The following ZNF506 variants were observed in gnomAD, a reference collection of about 807,000 sequenced individuals.
ZNF506 encodes the protein zinc finger protein 506.
In ZNF506, 10 loss-of-function variants were observed where a neutral mutation model predicts 11.6. The observed-to-expected ratio is 0.86, with a 90% confidence interval of 0.53 to 1.46. ZNF506 has a LOEUF of 1.46. Among genes scored for constraint, ZNF506 ranks in the 40% most tolerant of loss-of-function variants. ZNF506 has a pLI of 0.00. For synonymous variants in ZNF506, 156 were observed against 173.3 expected (o/e 0.90, Z 0.78); for missense variants, 425 against 521.2 (o/e 0.82, Z 1.80).
At chr19:19,814,886 T>C (rs1274717606) in intron 1 of ZNF506, among the ~76,000 whole-genome samples, 3 of 152,144 alleles carry the variant, frequency 2.0e-5, no homozygotes, top group Non-Finnish European at 4.4e-5. Context: ...CTGCTGCAGA[T>C]TCAGTGTCTG....
At chr19:19,796,383 TTTTA>T (rs1313535222) in intron 3 of ZNF506, 1 of 151,870 alleles carries the variant, frequency 6.6e-6, no homozygotes, top group African/African-American at 2.4e-5. Flanking sequence ...CTAGGGGCTT[TTTTA>T]TTTTTATTTT....
intron 1 of ZNF506, 119 bp downstream of exon 1, chr19:19,821,482 G>C: frequency 7.4e-7 from 1 of 1,346,166 alleles, no homozygotes; most frequent in East Asian, 2.3e-5. Flanking sequence ...TTGGAGCGCA[G>C]ATTGTGGAGC....
At chr19:19,798,169 G>C (rs2062758540) in intron 3 of ZNF506, 1 of 152,058 alleles carries the variant, frequency 6.6e-6, no homozygotes, top group Non-Finnish European at 1.5e-5. Flanking sequence ...TAAAAGTATG[G>C]AAATTATGAA....
At chr19:19,796,618 TA>T (rs2062744498) in intron 3 of ZNF506, 1 of 152,182 alleles carries the variant, frequency 6.6e-6, no homozygotes, top group African/African-American at 2.4e-5. Flanking sequence ...TTAGCCAGGA[TA>T]GTCTCAATCT....
chr19:19,803,825 A>G (rs534934802), intron 3 of ZNF506, among the ~76,000 whole-genome samples: 1 of 152,340 alleles, frequency 6.6e-6, no homozygotes, highest in East Asian at 1.9e-4. Context: ...ATTTTAATCT[A>G]GGACTGGAAG....
chr19:19,794,536 TTCTCTCCAGTA>T lies in ZNF506; in HGVS notation c.*5_*15del, dbSNP rs750249521. ...CCCACATTCATCACATTCATACGGT[TTCTCTCCAGTA>T]TGAATTATCTTATGCTTATTAAGGG... is the stretch of plus-strand genomic sequence containing the variant. On this transcript the variant is annotated 3_prime_UTR_variant, in exon 4 of 4. Transcript: ENST00000540806. 2 of 1,569,422 alleles carry T rather than the reference TTCTCTCCAGTA, an allele frequency of 1.3e-6. No individual in the cohort carries two copies. The highest frequency in any genetic ancestry group is 2.7e-5 in the African/African-American group (2 of 73,238).
chr19:19,809,383 A>C (rs1234957382), intron 1 of ZNF506, among the ~76,000 whole-genome samples: 1 of 152,200 alleles, frequency 6.6e-6, no homozygotes, highest in Non-Finnish European at 1.5e-5. Flanking sequence ...AAAGTTTTGT[A>C]AGTACTAAAC....
intron 3 of ZNF506, among the ~76,000 whole-genome samples, chr19:19,803,885 A>C (rs2062814682): frequency 6.6e-6 from 1 of 152,212 alleles, no homozygotes; most frequent in African/African-American, 2.4e-5. Flanking sequence ...ATTGAAATAG[A>C]AAAATAAGTA....
At chr19:19,816,270 G>A (rs917904804) in intron 1 of ZNF506, among the ~76,000 whole-genome samples, 20 of 151,080 alleles carry the variant, frequency 1.3e-4, no homozygotes, top group African/African-American at 4.6e-4. Flanking sequence ...TGCAACCGCT[G>A]CCTCCCAGGT....
At chr19:19,813,342 C>T (rs893244837) in intron 1 of ZNF506, among the ~76,000 whole-genome samples, 1 of 152,046 alleles carries the variant, frequency 6.6e-6, no homozygotes, top group Non-Finnish European at 1.5e-5. Context: ...ATGTATGTAG[C>T]ATTTTTAAAA....
intron 1 of ZNF506, among the ~76,000 whole-genome samples, chr19:19,816,450 C>T (rs1344678970): frequency 2.0e-5 from 3 of 152,162 alleles, no homozygotes; most frequent in African/African-American, 4.8e-5. Flanking sequence ...CTCCATCTCC[C>T]GGGTTCACAC....
intron 3 of ZNF506, among the ~76,000 whole-genome samples, chr19:19,802,230 T>C (rs1394754219): frequency 1.3e-5 from 2 of 150,896 alleles, no homozygotes; most frequent in Non-Finnish European, 1.5e-5. Context: ...AAAAATTGTC[T>C]ACGTAACTGC....
In ZNF506 at chr19:19,811,437, A is replaced by G. The variant is rs533497424; in HGVS notation, c.4-4369T>C. ...CCTCTCAAGTGCTGGGAATACAGGC[A>G]TGAGCCACTGTGCCTGGCCTTTCTA... is the stretch of plus-strand genomic sequence containing the variant. On this transcript the variant is annotated intron_variant, in intron 1 of 3. Coordinates refer to ENST00000540806, the MANE Select transcript of ZNF506 (RefSeq NM_001099269.3). Among the ~76,000 whole-genome samples, 234 of 152,322 alleles carry G rather than the reference A, an allele frequency of 1.5e-3. 1 individual carries two copies. The highest frequency in any genetic ancestry group is 2.7e-3 in the Admixed American group (41 of 15,294).
chr19:19,805,431 G>GT (rs34143674), intron 3 of ZNF506, among the ~76,000 whole-genome samples: 39 of 149,870 alleles, frequency 2.6e-4, no homozygotes, highest in East Asian at 1.2e-3. Context: ...AAATTGCAGT[G>GT]TTTTTTTTTC....
At chr19:19,804,784 G>A (rs1179344303) in intron 3 of ZNF506, among the ~76,000 whole-genome samples, 1 of 152,102 alleles carries the variant, frequency 6.6e-6, no homozygotes, top group Non-Finnish European at 1.5e-5. Context: ...TCCTTTGCAG[G>A]GACATGGATG....
chr19:19,808,767 C>CG lies in ZNF506; in HGVS notation c.4-1700dup, dbSNP rs202133799. Among the ~76,000 whole-genome samples, 1,045 of 141,424 alleles carry CG rather than the reference C, an allele frequency of 7.4e-3. 18 individuals carry two copies. The highest frequency in any genetic ancestry group is 0.026 in the African/African-American group (983 of 37,428). The allele number at this position is 141,424 out of a possible 152,430, so 92.8% of individuals were successfully genotyped here. A position where few individuals can be genotyped will look rare whatever the true frequency, so the allele number is the denominator to read the frequency against. On this transcript the variant is annotated intron_variant, in intron 1 of 3. Transcript: ENST00000540806. ...CTAAGGCAGGAGAATTGTTTGACCC[C>CG]GGGAGGTGAAGTTTGCACTGAGCCA...
intron 1 of ZNF506, among the ~76,000 whole-genome samples, chr19:19,820,029 G>A (rs1486439013): frequency 6.6e-6 from 1 of 151,680 alleles, no homozygotes; most frequent in South Asian, 2.1e-4. Context: ...TCCAAGAGGC[G>A]GACGTTGCAG....
Position 19,795,664 on chromosome 19 carries a change from A to C in ZNF506, c.227-4T>G. 6.7e-7 allele frequency: 1 copy of C among 1,490,104 alleles called. No individual in the cohort carries two copies. The highest frequency in any genetic ancestry group is 1.5e-5 in the South Asian group (1 of 67,216). 92.3% of individuals were successfully genotyped at this position (1,490,104 alleles called of 1,614,324 possible). On this transcript the variant is annotated splice_region_variant and splice_polypyrimidine_tract_variant and intron_variant, in intron 3 of 3. Coordinates refer to ENST00000540806, the MANE Select transcript of ZNF506 (RefSeq NM_001099269.3). Reference sequence around the variant, plus strand: ...TGGGCAAAATGAGAATACATAACTGAAAGAAACAATAAAAACACATGACTT... The same window carrying C: ...TGGGCAAAATGAGAATACATAACTGCAAGAAACAATAAAAACACATGACTT...
rs1352629701 is a variant in ZNF506, at chr19:19,795,810, G to C, written c.227-150C>G. On this transcript the variant is annotated intron_variant, in intron 3 of 3. Coordinates refer to ENST00000540806, the MANE Select transcript of ZNF506 (RefSeq NM_001099269.3). ...GTAATTTCTTCCTGGATATATAACT[G>C]TAACAAAAACATACTGACCAAAATA... The C allele has an allele frequency of 3.8e-6, 3 of 798,872 alleles. No individual in the cohort carries two copies. The South Asian group carries it at 7.6e-5, about 20-fold the overall frequency. 49.5% of individuals were successfully genotyped at this position (798,872 alleles called of 1,614,324 possible). A position where few individuals can be genotyped will look rare whatever the true frequency, so the allele number is the denominator to read the frequency against.
Sources: allele counts gnomAD v4.1 joint callset (sites outside exome capture counted in the v4.1 genomes callset), GRCh38; gene constraint gnomAD v4.1.1; transcripts MANE v1.5; gene names NCBI Gene and HGNC (gene_info 2026-07-23, HGNC 2026-07-21).